The following HHIP variants were observed in gnomAD, a reference collection of about 807,000 sequenced individuals.
HHIP encodes hedgehog-interacting protein.
A neutral mutation model predicts 74.0 loss-of-function variants in HHIP; 12 were observed. The observed-to-expected ratio is 0.16, with a 90% confidence interval of 0.10 to 0.26. HHIP has a LOEUF of 0.26. HHIP is among the 10% of genes least tolerant of loss of function. The probability of loss-of-function intolerance (pLI) is 1.00; values close to 1 mark genes in which losing one functional copy is unlikely to be tolerated. For synonymous variants in HHIP, 309 were observed against 311.6 expected, an observed-to-expected ratio of 0.99 and a Z score of 0.09; for missense variants, 788 against 845.0, an observed-to-expected ratio of 0.93 and a Z score of 0.84.
chr4:144,699,430 G>C (rs758432386), intron 4 of HHIP, among the ~76,000 whole-genome samples: 2 of 152,028 alleles, frequency 1.3e-5, no homozygotes, highest in Non-Finnish European at 2.9e-5. Flanking sequence ...TATTGTTTAG[G>C]GTCTTAAGGA....
chr4:144,677,571 A>C (rs1414150457), intron 4 of HHIP, among the ~76,000 whole-genome samples: 1 of 152,200 alleles, frequency 6.6e-6, no homozygotes, highest in African/African-American at 2.4e-5. Flanking sequence ...CTCAGCCACA[A>C]GTGTGGAAAG....
intron 4 of HHIP, among the ~76,000 whole-genome samples, chr4:144,688,656 G>A (rs1729551684): frequency 6.6e-6 from 1 of 152,138 alleles, no homozygotes; most frequent in South Asian, 2.1e-4. Flanking sequence ...CAAGTCACGG[G>A]GAGCATGTTA....
intron 1 of HHIP, among the ~76,000 whole-genome samples, chr4:144,649,340 C>G (rs1313435885): frequency 6.6e-6 from 1 of 151,984 alleles, no homozygotes; most frequent in African/African-American, 2.4e-5. Flanking sequence ...TAGTAGCAAA[C>G]TAGGTAGGAA....
At chr4:144,715,116 A>AT in intron 9 of HHIP, 184 bp from the exon 10 acceptor site, 1 of 505,552 alleles carries the variant, frequency 2.0e-6, no homozygotes, top group East Asian at 3.2e-5. Context: ...ATCTTTAAGT[A>AT]CTTTCTCCGC....
At chr4:144,651,597 A>G (rs1159556593) in intron 1 of HHIP, among the ~76,000 whole-genome samples, 1 of 152,090 alleles carries the variant, frequency 6.6e-6, no homozygotes, top group African/African-American at 2.4e-5. Flanking sequence ...GGGAAAAGGT[A>G]TAAAATTCAA....
Position 144,659,672 on chromosome 4 carries a change from T to C in HHIP, c.665T>C (p.Val222Ala). 6.5e-7 allele frequency: 1 copy of C among 1,548,602 alleles called. No homozygotes were observed. The highest frequency in any genetic ancestry group is 8.7e-7 in the Non-Finnish European group (1 of 1,152,750). Residue 222 changes from valine to alanine, a missense_variant, in exon 4 of 13, where the codon GTT becomes GCT. By Grantham distance (64) the Val-to-Ala change is moderately conservative. Transcript: ENST00000296575. ...HKHNCFCIQEVVSGLRQPVGA... is the reference protein window; with the variant it reads ...HKHNCFCIQEAVSGLRQPVGA... ...CACAACTGCTTCTGTATTCAGGAGG[T>C]TGTGAGTGGGCTGCGGCAGCCCGTT...
intron 4 of HHIP, among the ~76,000 whole-genome samples, chr4:144,695,452 T>C (rs1421835632): frequency 6.6e-6 from 1 of 151,804 alleles, no homozygotes; most frequent in East Asian, 1.9e-4. Flanking sequence ...TCTGAAGTAA[T>C]TTTCACAGCT....
intron 4 of HHIP, among the ~76,000 whole-genome samples, chr4:144,660,881 G>A (rs907384248): frequency 6.6e-6 from 1 of 152,080 alleles, no homozygotes; most frequent in African/African-American, 2.4e-5. Flanking sequence ...GGGCATTACT[G>A]AGTTGAAGAT....
At position 144,714,195 on chromosome 4, in the gene HHIP, C is replaced by A. The variant is rs79067597; in HGVS notation, c.1424-30C>A. ...CCTTTTACTTTATGAAAATATGTTTCATTTGATCTAATGCTATGTTTCTTT... is the reference window on the plus strand; with the variant it reads ...CCTTTTACTTTATGAAAATATGTTTAATTTGATCTAATGCTATGTTTCTTT... On this transcript the variant is annotated intron_variant, in intron 8 of 12. Coordinates refer to ENST00000296575, the MANE Select transcript of HHIP (RefSeq NM_022475.3). The A allele has an allele frequency of 3.8e-3, 6,100 of 1,593,532 alleles. 197 individuals are homozygous for A. In the African/African-American group the frequency reaches 0.07, roughly 18 times the overall value.
chr4:144,672,394 G>A (rs1003380881), intron 4 of HHIP, among the ~76,000 whole-genome samples: 1 of 152,214 alleles, frequency 6.6e-6, no homozygotes, highest in East Asian at 1.9e-4. Context: ...CAGGGAAACA[G>A]GGAAGCAAAT....
chr4:144,706,436 AAAAG>A (rs1424287694), intron 4 of HHIP, 91 bp from the exon 5 acceptor site: 2 of 1,054,464 alleles, frequency 1.9e-6, no homozygotes, highest in Non-Finnish European at 2.7e-6. Context: ...AAGATTATCC[AAAAG>A]AAAGAAAGAG....
chr4:144,727,847 G>A (rs1043335902), intron 11 of HHIP, among the ~76,000 whole-genome samples: 1 of 152,126 alleles, frequency 6.6e-6, no homozygotes, highest in South Asian at 2.1e-4. Context: ...TGAAATGTGG[G>A]TACATTGCTA....
intron 1 of HHIP, chr4:144,650,589 T>C (rs995642859): frequency 6.6e-6 from 1 of 152,146 alleles, no homozygotes; most frequent in Admixed American, 6.6e-5. Context: ...GTCAGTTTAA[T>C]TGACTTCAGT....
At chr4:144,659,987 C>A in intron 4 of HHIP, 149 bp downstream of exon 4, 1 of 616,756 alleles carries the variant, frequency 1.6e-6, no homozygotes, top group Non-Finnish European at 2.8e-6. Context: ...ATAATTATGG[C>A]ACCTGAATTA....
At chr4:144,652,297 T>C (rs1728445971) in intron 1 of HHIP, among the ~76,000 whole-genome samples, 1 of 152,096 alleles carries the variant, frequency 6.6e-6, no homozygotes. Context: ...AATGAAGTGA[T>C]AAAGGCTTAA....
chr4:144,690,658 T>C (rs535784677), intron 4 of HHIP, among the ~76,000 whole-genome samples: 1 of 152,322 alleles, frequency 6.6e-6, no homozygotes, highest in East Asian at 1.9e-4. Context: ...GACCATATTG[T>C]AAAGTGTCTC....
chr4:144,687,377 T>C (rs1386653831), intron 4 of HHIP, among the ~76,000 whole-genome samples: 1 of 152,188 alleles, frequency 6.6e-6, no homozygotes, highest in African/African-American at 2.4e-5. Flanking sequence ...AATCCATCTT[T>C]AATGCAGCCA....
chr4:144,721,731 G>A (rs934834879), intron 11 of HHIP, among the ~76,000 whole-genome samples: 4 of 151,752 alleles, frequency 2.6e-5, no homozygotes, highest in African/African-American at 7.3e-5. Context: ...TAAAAACTCC[G>A]TCTCTAGTAA....
chr4:144,703,034 T>A (rs1176877865), intron 4 of HHIP, among the ~76,000 whole-genome samples: 1 of 152,046 alleles, frequency 6.6e-6, no homozygotes, highest in African/African-American at 2.4e-5. Flanking sequence ...CTGGCCAACA[T>A]GGTGAAACCC....
Sources: gnomAD v4.1 joint callset for allele counts (sites outside exome capture counted in the v4.1 genomes callset) on GRCh38, gnomAD v4.1.1 for gene constraint, MANE v1.5 for transcripts, NCBI Gene and HGNC (gene_info 2026-07-23, HGNC 2026-07-21) for gene names.